Variants in DHRS1 observed in about 807,000 individuals in gnomAD.
The protein encoded by DHRS1 is dehydrogenase/reductase SDR family member 1.
DHRS1 carries 34 observed loss-of-function variants against 35.2 expected under a neutral mutation model. The ratio of observed to expected loss-of-function variants is 0.97; its 90% CI spans 0.74 to 1.29. The LOEUF is 1.29. Among genes scored for constraint, DHRS1 ranks in the 50% most tolerant of loss-of-function variants. The pLI is 0.00. For missense variants in DHRS1, 354 were observed against 403.6 expected, an observed-to-expected ratio of 0.88 and a Z score of 1.05; for synonymous variants, 133 against 160.0, an observed-to-expected ratio of 0.83 and a Z score of 1.27.
At chr14:24,291,368 C>A in intron 7 of DHRS1, 149 bp from the exon 8 acceptor site, 1 of 1,074,430 alleles carries the variant, frequency 9.3e-7, no homozygotes, top group South Asian at 1.3e-5. Context: ...TTTTTCCACA[C>A]TTCCCAGGAG....
At chr14:24,297,114 TACAA>T (rs1051618246) in intron 2 of DHRS1, among the ~76,000 whole-genome samples, 3 of 152,228 alleles carry the variant, frequency 2.0e-5, no homozygotes, top group African/African-American at 7.2e-5. Context: ...TTTAATAATC[TACAA>T]ACATTTACTG....
Position 24,299,698 on chromosome 14 carries a change from G to A in DHRS1, c.-142C>T, listed in dbSNP as rs1439106419. On this transcript the variant is annotated 5_prime_UTR_variant, in exon 1 of 9. Transcript: ENST00000288111. ...GTGTTCAAGGATTGATTCTGTAGTA[G>A]GACCCGGGGCGATTCTGTGCTGAGG... The A allele has an allele frequency of 1.8e-5, 8 of 455,958 alleles. No individual in the cohort carries two copies. The highest frequency in any genetic ancestry group is 1.4e-4 in the African/African-American group (7 of 50,094). The allele number at this position is 455,958 out of a possible 1,614,324, so 28.2% of individuals were successfully genotyped here.
At chr14:24,295,593 A>T (rs1382326150) in intron 4 of DHRS1, among the ~76,000 whole-genome samples, 1 of 152,220 alleles carries the variant, frequency 6.6e-6, no homozygotes, top group Non-Finnish European at 1.5e-5. Flanking sequence ...TCTCTGCTTC[A>T]GGGTCAAAAC....
rs1350085985 is a variant in DHRS1 at position 24,292,712 on chromosome 14, GA to G, written c.446del (p.Ile149ThrfsTer53). ...VPAGQGLIVV[I>X]SSPGSLQYMF... ...TATACTGCAGGCTTCCTGGGGAGGA[GA>G]TGACCACGATGAGCCCCTGGCCAGC... On this transcript the variant is annotated frameshift_variant, in exon 5 of 9. Coordinates refer to ENST00000288111, the MANE Select transcript of DHRS1 (RefSeq NM_001136050.3). LOFTEE classifies it high-confidence loss of function. 1.2e-6 allele frequency: 2 copies of G among 1,614,202 alleles called. No individual in the cohort carries two copies. Among genetic ancestry groups the G allele is most frequent in the Non-Finnish European group, 1.7e-6 (2 of 1,180,030 alleles).
chr14:24,290,962 G>T lies in DHRS1; in HGVS notation c.839C>A (p.Ser280Tyr), dbSNP rs149470750. The change falls in exon 9 of 9, where the codon TCT becomes TAT. Residue 280 changes from serine to tyrosine, a missense_variant. Ser to Tyr is a moderately radical substitution (Grantham distance 144). Coordinates refer to ENST00000288111, the MANE Select transcript of DHRS1 (RefSeq NM_001136050.3). ...CAGGCCGGACACGTGTGAGAGAACA[G>T]AGCTCAAAGACAAATAGTCTTGGAC... is the stretch of plus-strand genomic sequence containing the variant. Reference protein sequence around the residue: ...RPVQDYLSLSSVLSHVSGLGW... With the variant: ...RPVQDYLSLSYVLSHVSGLGW... 6.2e-7 allele frequency: 1 copy of T among 1,614,120 alleles called. No individual in the cohort carries two copies. Among genetic ancestry groups the T allele is most frequent in the Non-Finnish European group, 8.5e-7 (1 of 1,180,028 alleles).
Sources: allele counts gnomAD v4.1 joint callset (sites outside exome capture counted in the v4.1 genomes callset), GRCh38; gene constraint gnomAD v4.1.1; transcripts MANE v1.5; gene names NCBI Gene and HGNC (gene_info 2026-07-23, HGNC 2026-07-21).